Variants in CFAP46 observed in about 807,000 individuals in gnomAD.
CFAP46 encodes the protein cilia and flagella associated protein 46, also known as cilia- and flagella-associated protein 46.
CFAP46 carries 245 observed loss-of-function variants against 325.7 expected under a neutral mutation model. That is an observed-to-expected ratio of 0.75 (90% CI 0.68 to 0.84). The LOEUF (loss-of-function observed/expected upper bound fraction) is 0.84, where lower values mean the gene tolerates loss of function less well. Among genes scored for constraint, CFAP46 ranks in the 40% least tolerant of loss-of-function variants. The pLI, the probability that CFAP46 is intolerant of heterozygous loss-of-function variation, is 0.00. For synonymous variants in CFAP46, 1,523 were observed against 1,495.9 expected (o/e 1.02, Z -0.42); for missense variants, 3,346 against 3,543.0 (o/e 0.94, Z 1.41).
At chr10:132,903,405 C>T (rs59357541) in intron 22 of CFAP46, among the ~76,000 whole-genome samples, 16,224 of 152,248 alleles carry the variant, frequency 0.11, 1,962 homozygotes, top group African/African-American at 0.3. Flanking sequence ...TCAGCTGCTA[C>T]AGCCTCAAGC....
At position 132,941,026 on chromosome 10, in the gene CFAP46, T is replaced by C. The variant is rs1291077835; in HGVS notation, c.341A>G (p.Lys114Arg). 1.2e-6 allele frequency: 2 copies of C among 1,614,080 alleles called. No individual in the cohort carries two copies. Among genetic ancestry groups the C allele is most frequent in the Non-Finnish European group, 1.7e-6 (2 of 1,180,038 alleles). The change falls in exon 4 of 58, where the codon AAG becomes AGG. Residue 114 changes from lysine to arginine, a missense_variant. Lys to Arg is a conservative substitution (Grantham distance 26, BLOSUM62 2). Transcript: ENST00000368586. The part of the protein sequence containing the change: ...EFENCVTEYM[K>R]AINFAKGEPR... ...TTCTCCTTTGGCAAAGTTTATGGCC[T>C]TCATGTACTCAGTCACGCAATTTTC...
rs774826866 is a variant in CFAP46 at position 132,880,865 on chromosome 10, CG to C, written c.3794del (p.Pro1265ArgfsTer74). On this transcript the variant is annotated frameshift_variant, in exon 28 of 58. Transcript: ENST00000368586. LOFTEE classifies it high-confidence loss of function. ...PGDVPEPQPT[P>X]DGEYVAVEMP... is the part of the protein sequence containing the mutation. ...CTGCCAGCGGCGTGGGCTCACCATC[CG>C]GCGTGGGCTGTGGCTCAGGGACATC... The C allele has an allele frequency of 6.5e-7, 1 of 1,546,802 alleles. No homozygotes were observed. Among genetic ancestry groups the C allele is most frequent in the South Asian group, 1.2e-5 (1 of 83,978 alleles).
chr10:132,908,045 G>A (rs981431717), intron 22 of CFAP46, among the ~76,000 whole-genome samples: 4 of 152,230 alleles, frequency 2.6e-5, no homozygotes, highest in South Asian at 2.1e-4. Context: ...ATGCACACGC[G>A]GCCAGCAGGC....
At chr10:132,883,132 C>A (rs1451965261) in intron 27 of CFAP46, among the ~76,000 whole-genome samples, 1 of 152,158 alleles carries the variant, frequency 6.6e-6, no homozygotes, top group African/African-American at 2.4e-5. Flanking sequence ...AATTTCATCA[C>A]AATTTAAAAC....
rs144257204 is a variant in CFAP46, at chr10:132,927,011, T to C, written c.967-345A>G. 8.5e-4 allele frequency among the ~76,000 whole-genome samples: 130 copies of C among 152,108 alleles called. 1 individual carries two copies. The highest frequency in any genetic ancestry group is 3.4e-3 in the Middle Eastern group (1 of 294). On this transcript the variant is annotated intron_variant, in intron 9 of 57. Transcript: ENST00000368586. ...GGCTGCGCTGAAGTCTGGGAAGCAA[T>C]GTGTTGTACGTCACACCGGGAAGAA... is the stretch of plus-strand genomic sequence containing the variant.
chr10:132,917,457 G>A (rs973715682), intron 16 of CFAP46, among the ~76,000 whole-genome samples: 3 of 152,244 alleles, frequency 2.0e-5, no homozygotes, highest in Non-Finnish European at 2.9e-5. Flanking sequence ...GGGCGAGCCC[G>A]GGAGTCTCTG....
In CFAP46 at chr10:132,922,319, G is replaced by A. The variant is rs1041787861; in HGVS notation, c.1486-95C>T. On this transcript the variant is annotated intron_variant, in intron 12 of 57. Transcript: ENST00000368586. ...GCCTCCTGGCCTTTGGCAGGGGCCTGTGTGGTCCTCGTGCTCATAGACACA... is the reference window on the plus strand; with the variant it reads ...GCCTCCTGGCCTTTGGCAGGGGCCTATGTGGTCCTCGTGCTCATAGACACA... The A allele has an allele frequency of 4.7e-6, 7 of 1,486,146 alleles. No individual in the cohort carries two copies. The Admixed American group carries it at 9.0e-5, about 19-fold the overall frequency. 92.1% of individuals were successfully genotyped at this position (1,486,146 alleles called of 1,614,324 possible). A position where few individuals can be genotyped will look rare whatever the true frequency, so the allele number is the denominator to read the frequency against.
intron 53 of CFAP46, 35 bp downstream of exon 53, chr10:132,814,542 G>C: frequency 3.9e-6 from 6 of 1,550,828 alleles, no homozygotes; most frequent in Non-Finnish European, 5.2e-6. Flanking sequence ...CGAGGCTGGC[G>C]TGTGCCTGAA....
At chr10:132,813,073 CAG>C (rs1847614482) in intron 54 of CFAP46, among the ~76,000 whole-genome samples, 176 bp from the exon 55 acceptor site, 1 of 152,158 alleles carries the variant, frequency 6.6e-6, no homozygotes, top group Non-Finnish European at 1.5e-5. Flanking sequence ...GCTCTGATCA[CAG>C]GGGTCACGGC....
At chr10:132,927,028 CG>C (rs1480252207) in intron 9 of CFAP46, among the ~76,000 whole-genome samples, 1 of 152,146 alleles carries the variant, frequency 6.6e-6, no homozygotes, top group Non-Finnish European at 1.5e-5. Context: ...TACGTCACAC[CG>C]GGAAGAAGGG....
At chr10:132,912,586 T>C (rs1849566683) in intron 19 of CFAP46, 69 bp downstream of exon 19, 12 of 1,315,486 alleles carry the variant, frequency 9.1e-6, no homozygotes, top group Admixed American at 4.5e-5. Context: ...TCTCCTCTCC[T>C]CTCTCTCTCT....
In CFAP46 at chr10:132,885,185, C is replaced by G; in HGVS notation, c.3545G>C (p.Arg1182Pro). ...GTTCAGGGCCAGGCGGTGCCACATG[C>G]GCGCCAAGTAGTCCTCACTCTCGGC... The part of the protein sequence containing the change: ...FKAESEDYLA[R>P]MWHRLALNSP... Residue 1182 changes from arginine to proline, a missense_variant, in exon 27 of 58, where the codon CGC becomes CCC. Coordinates refer to ENST00000368586, the MANE Select transcript of CFAP46 (RefSeq NM_001200049.3). 6.4e-7 allele frequency: 1 copy of G among 1,550,496 alleles called. No homozygotes were observed. The highest frequency in any genetic ancestry group is 8.7e-7 in the Non-Finnish European group (1 of 1,146,992).
chr10:132,925,890 G>A (rs552012207), intron 10 of CFAP46, among the ~76,000 whole-genome samples: 65 of 152,314 alleles, frequency 4.3e-4, no homozygotes, highest in African/African-American at 1.4e-3. Flanking sequence ...TGTACCCAGC[G>A]GAGCCTCGCA....
At chr10:132,823,121 GTGC>G (rs1422749140) in intron 50 of CFAP46, among the ~76,000 whole-genome samples, 1 of 142,056 alleles carries the variant, frequency 7.0e-6, no homozygotes, top group African/African-American at 2.7e-5. Flanking sequence ...TGCTGTGTGT[GTGC>G]TGATGTGTGC....
At chr10:132,831,961 A>G (rs1848153988) in intron 50 of CFAP46, among the ~76,000 whole-genome samples, 1 of 152,082 alleles carries the variant, frequency 6.6e-6, no homozygotes, top group South Asian at 2.1e-4. Context: ...TAACTTTATC[A>G]CAGTCTATCT....
intron 11 of CFAP46, among the ~76,000 whole-genome samples, chr10:132,924,140 G>A (rs1292051380): frequency 6.6e-6 from 1 of 151,990 alleles, no homozygotes; most frequent in Non-Finnish European, 1.5e-5. Flanking sequence ...ACAGCTTGTG[G>A]CTGCCCTTGC....
At chr10:132,810,202 G>A (rs1423107338) in intron 57 of CFAP46, among the ~76,000 whole-genome samples, 2 of 152,220 alleles carry the variant, frequency 1.3e-5, no homozygotes, top group Non-Finnish European at 2.9e-5. Context: ...CCACGGTGGG[G>A]GGCTGGGGTG....
intron 20 of CFAP46, among the ~76,000 whole-genome samples, chr10:132,909,449 C>T (rs574250154): frequency 6.6e-6 from 1 of 152,236 alleles, no homozygotes; most frequent in Non-Finnish European, 1.5e-5. Context: ...CCGTGCGGCC[C>T]CCATGTGTGA....
chr10:132,822,124 CTT>C (rs1847860803), intron 50 of CFAP46, among the ~76,000 whole-genome samples: 2 of 102,480 alleles, frequency 2.0e-5, no homozygotes, highest in South Asian at 6.7e-4. Flanking sequence ...TGTGTGTGCA[CTT>C]GTGTGTGCTG....
Sources: gnomAD v4.1 joint callset for allele counts (sites outside exome capture counted in the v4.1 genomes callset) on GRCh38, gnomAD v4.1.1 for gene constraint, MANE v1.5 for transcripts, NCBI Gene and HGNC (gene_info 2026-07-23, HGNC 2026-07-21) for gene names.